Variants in TTLL7 observed in about 807,000 individuals in gnomAD.
TTLL7 encodes tubulin tyrosine ligase like 7.
Under a neutral mutation model 120.2 loss-of-function variants are expected in TTLL7, and 53 were observed. The observed-to-expected ratio is 0.44, with a 90% CI of 0.35 to 0.55. TTLL7 has a LOEUF of 0.55. Ranked by LOEUF, TTLL7 falls within the 20% of genes least tolerant of loss-of-function variation. TTLL7 has a pLI of 0.00. For missense variants in TTLL7, 803 were observed against 1,054.7 expected, an observed-to-expected ratio of 0.76 and a Z score of 3.31; for synonymous variants, 353 against 351.7, an observed-to-expected ratio of 1.00 and a Z score of -0.04.
intron 14 of TTLL7, among the ~76,000 whole-genome samples, chr1:83,914,253 C>T (rs1313741387): frequency 6.6e-6 from 1 of 150,984 alleles, no homozygotes; most frequent in Admixed American, 6.6e-5. Flanking sequence ...ACATCCTATA[C>T]AGTATCATAA....
intron 5 of TTLL7, among the ~76,000 whole-genome samples, chr1:83,947,988 C>T (rs1380069653): frequency 6.6e-6 from 1 of 151,864 alleles, no homozygotes; most frequent in African/African-American, 2.4e-5. Context: ...AGTAAAAGAC[C>T]GGGGTACTTA....
intron 1 of TTLL7, chr1:83,983,881 A>C (rs1362942653): frequency 6.6e-6 from 1 of 152,294 alleles, no homozygotes; most frequent in Admixed American, 6.5e-5. Context: ...GCTGGAGCCC[A>C]GAGTTTGAGA....
chr1:83,948,113 G>T (rs1648686065), intron 5 of TTLL7, among the ~76,000 whole-genome samples: 3 of 151,810 alleles, frequency 2.0e-5, no homozygotes, highest in Admixed American at 6.6e-5. Context: ...GAGTAAGTGT[G>T]TGCATACATG....
intron 1 of TTLL7, among the ~76,000 whole-genome samples, chr1:83,953,840 G>A (rs2100867114): frequency 6.6e-6 from 1 of 152,182 alleles, no homozygotes; most frequent in South Asian, 2.1e-4. Context: ...CATATGAGAA[G>A]TTTCCAACCC....
intron 10 of TTLL7, among the ~76,000 whole-genome samples, chr1:83,926,150 G>A (rs1250636310): frequency 1.3e-5 from 2 of 151,458 alleles, no homozygotes; most frequent in South Asian, 2.1e-4. Flanking sequence ...ACATATGAGT[G>A]ATTAGGTTTA....
At chr1:83,931,834 A>G (rs1017335212) in intron 9 of TTLL7, among the ~76,000 whole-genome samples, 2 of 152,234 alleles carry the variant, frequency 1.3e-5, no homozygotes, top group Admixed American at 1.3e-4. Context: ...CATACCCAGA[A>G]GCACCTTCTA....
At chr1:83,871,567 T>C (rs996478779) in intron 20 of TTLL7, among the ~76,000 whole-genome samples, 1 of 152,184 alleles carries the variant, frequency 6.6e-6, no homozygotes, top group East Asian at 1.9e-4. Flanking sequence ...TGGGACGGTA[T>C]CAAATCGTTT....
At chr1:83,918,680 T>C (rs1658395176) in intron 13 of TTLL7, among the ~76,000 whole-genome samples, 1 of 152,148 alleles carries the variant, frequency 6.6e-6, no homozygotes, top group Admixed American at 6.6e-5. Context: ...GATAATACTT[T>C]CATCATAACA....
chr1:83,994,477 T>C (rs189036920), intron 1 of TTLL7, among the ~76,000 whole-genome samples: 22 of 152,254 alleles, frequency 1.4e-4, no homozygotes, highest in Non-Finnish European at 1.0e-4. Context: ...AAGAAGGTAG[T>C]GCCAAGTATC....
At chr1:83,998,538 C>G (rs948291983) in intron 1 of TTLL7, among the ~76,000 whole-genome samples, 1 of 152,200 alleles carries the variant, frequency 6.6e-6, no homozygotes, top group South Asian at 2.1e-4. Context: ...TTCAAGAATG[C>G]CCCGCATACT....
intron 7 of TTLL7, among the ~76,000 whole-genome samples, chr1:83,938,920 C>T (rs1647671137): frequency 6.6e-6 from 1 of 152,032 alleles, no homozygotes; most frequent in South Asian, 2.1e-4. Flanking sequence ...CAACTATATT[C>T]ATGTCATATT....
Position 83,949,935 on chromosome 1 carries a change from T to A in TTLL7, c.209A>T (p.Glu70Val), listed in dbSNP as rs1208277216. 1 of 1,613,568 alleles carries A rather than the reference T, an allele frequency of 6.2e-7. No individual in the cohort carries two copies. Among genetic ancestry groups the A allele is most frequent in the African/African-American group, 1.3e-5 (1 of 74,940 alleles). ...MGFMKTPDED[E>V]TSNLIWCDSA... ...ATCACACCATATAAGATTACTTGTT[T>A]CATCCTCATCTGGAGTTTTCATAAA... The change falls in exon 4 of 21, where the codon GAA (glutamate) becomes GTA (valine). Residue 70 changes from glutamate (E) to valine (V), a missense_variant. Coordinates refer to ENST00000260505, the MANE Select transcript of TTLL7 (RefSeq NM_024686.6).
intron 6 of TTLL7, chr1:83,946,369 G>A (rs1648510075): frequency 6.6e-6 from 1 of 152,130 alleles, no homozygotes; most frequent in Admixed American, 6.5e-5. Context: ...TTTATTAAAA[G>A]CAGCCTCAGC....
chr1:83,968,077 G>A (rs1650646214), intron 1 of TTLL7, among the ~76,000 whole-genome samples: 1 of 152,038 alleles, frequency 6.6e-6, no homozygotes, highest in Non-Finnish European at 1.5e-5. Flanking sequence ...GGCAAGGTAT[G>A]AAAACCAGCA....
chr1:83,915,606 C>G (rs956664295), intron 14 of TTLL7, among the ~76,000 whole-genome samples: 1 of 151,956 alleles, frequency 6.6e-6, no homozygotes, highest in Non-Finnish European at 1.5e-5. Flanking sequence ...TCTAAAACAC[C>G]AAAAGCAATG....
At chr1:83,910,189 A>G (rs1213941069) in intron 15 of TTLL7, among the ~76,000 whole-genome samples, 1 of 152,116 alleles carries the variant, frequency 6.6e-6, no homozygotes, top group Non-Finnish European at 1.5e-5. Flanking sequence ...TTCCTCATGC[A>G]TTTTGCCGTA....
chr1:83,902,004 C>T (rs943240063), intron 18 of TTLL7: 1 of 151,968 alleles, frequency 6.6e-6, no homozygotes, highest in African/African-American at 2.4e-5. Context: ...CATTATGTAC[C>T]TTATACTCTC....
intron 3 of TTLL7, 35 bp downstream of exon 3, chr1:83,951,810 A>T: frequency 6.3e-7 from 1 of 1,578,078 alleles, no homozygotes; most frequent in Non-Finnish European, 8.6e-7. Context: ...TCCAGCAATT[A>T]TGAGAATCCC....
intron 20 of TTLL7, among the ~76,000 whole-genome samples, chr1:83,881,920 G>A (rs1654525272): frequency 6.6e-6 from 1 of 151,016 alleles, no homozygotes; most frequent in Non-Finnish European, 1.5e-5. Context: ...AAAAAAGGAT[G>A]AGTTCATGTC....
Sources: gnomAD v4.1 joint callset for allele counts (sites outside exome capture counted in the v4.1 genomes callset) on GRCh38, gnomAD v4.1.1 for gene constraint, MANE v1.5 for transcripts, NCBI Gene and HGNC (gene_info 2026-07-23, HGNC 2026-07-21) for gene names.